The following KCNH7 variants were observed in gnomAD, a reference collection of about 807,000 sequenced individuals.
KCNH7 encodes the protein voltage-gated inwardly rectifying potassium channel KCNH7.
Under a neutral mutation model 120.8 loss-of-function variants are expected in KCNH7, and 49 were observed. That is an observed-to-expected ratio of 0.41 (90% CI 0.32 to 0.51). The LOEUF is 0.51. KCNH7 is among the 20% of genes least tolerant of loss of function. The pLI is 0.38. For missense variants in KCNH7, 1,097 were observed against 1,446.6 expected, an observed-to-expected ratio of 0.76 and a Z score of 3.92; for synonymous variants, 547 against 516.1, an observed-to-expected ratio of 1.06 and a Z score of -0.81.
At position 162,400,283 on chromosome 2, in the gene KCNH7, G is replaced by C. The variant is rs149972724; in HGVS notation, c.2313C>G (p.Thr771=). Residue 771 remains threonine (T), a synonymous_variant, in exon 10 of 16, where the codon ACC becomes ACG. Transcript: ENST00000332142. ...TGAGGACATCCCCACAGTGAACGAG[G>C]GTGTCTCCTGGAGGTGCATGGGTGG... is the stretch of plus-strand genomic sequence containing the variant. ...FKTTHAPPGD[T]LVHCGDVLTA... 130 of 1,612,280 alleles carry C rather than the reference G, an allele frequency of 8.1e-5. No individual in the cohort carries two copies. The highest frequency in any genetic ancestry group is 1.0e-4 in the Admixed American group (6 of 59,780).
intron 2 of KCNH7, among the ~76,000 whole-genome samples, chr2:162,787,673 A>G (rs928505748): frequency 2.0e-5 from 3 of 152,170 alleles, no homozygotes; most frequent in Non-Finnish European, 4.4e-5. Context: ...CTGGCCCAGG[A>G]CCAGCCCGGC....
chr2:162,749,946 A>C (rs1308107542), intron 2 of KCNH7, among the ~76,000 whole-genome samples: 1 of 152,196 alleles, frequency 6.6e-6, no homozygotes, highest in African/African-American at 2.4e-5. Flanking sequence ...TTAATAACTA[A>C]ACAATTTTAT....
intron 2 of KCNH7, chr2:162,796,550 A>G (rs1684154762): frequency 2.0e-5 from 3 of 152,114 alleles, no homozygotes. Flanking sequence ...TAATTGCTCT[A>G]TGGTTATGCC....
At chr2:162,656,456 A>G (rs1226739737) in intron 2 of KCNH7, among the ~76,000 whole-genome samples, 2 of 152,202 alleles carry the variant, frequency 1.3e-5, no homozygotes, top group African/African-American at 4.8e-5. Flanking sequence ...TTTCTTATCC[A>G]TCATTTTTTG....
At chr2:162,665,336 A>G (rs145568189) in intron 2 of KCNH7, among the ~76,000 whole-genome samples, 1 of 152,206 alleles carries the variant, frequency 6.6e-6, no homozygotes, top group East Asian at 1.9e-4. Flanking sequence ...AATAAATCCA[A>G]AGTCACAGTA....
chr2:162,603,026 T>C (rs1385348106), intron 2 of KCNH7, among the ~76,000 whole-genome samples: 2 of 151,638 alleles, frequency 1.3e-5, no homozygotes, highest in Non-Finnish European at 2.9e-5. Flanking sequence ...TACACAGGGT[T>C]GGACTAGTCC....
Position 162,517,729 on chromosome 2 carries a change from C to A in KCNH7, c.892+1G>T. On this transcript the variant is annotated splice_donor_variant, in intron 4 of 15. Transcript: ENST00000332142. LOFTEE classifies it high-confidence loss of function. ...TCCATTTAAAAAAAAATCAAACATACCTTCGCTGGCATGTCGGTCTCTAAA... is the reference window on the plus strand; with the variant it reads ...TCCATTTAAAAAAAAATCAAACATAACTTCGCTGGCATGTCGGTCTCTAAA... The A allele has an allele frequency of 6.5e-7, 1 of 1,549,612 alleles. No homozygotes were observed. Among genetic ancestry groups the A allele is most frequent in the Non-Finnish European group, 8.7e-7 (1 of 1,142,976 alleles).
chr2:162,414,167 A>G (rs1008393142), intron 9 of KCNH7, among the ~76,000 whole-genome samples: 2 of 152,076 alleles, frequency 1.3e-5, no homozygotes, highest in African/African-American at 4.8e-5. Context: ...TTGTTAATAG[A>G]AATGTAAATT....
At chr2:162,710,433 C>A (rs1287678654) in intron 2 of KCNH7, among the ~76,000 whole-genome samples, 1 of 152,140 alleles carries the variant, frequency 6.6e-6, no homozygotes, top group Non-Finnish European at 1.5e-5. Flanking sequence ...TTGGCACTGG[C>A]CCTGCGGAGA....
chr2:162,505,353 GA>G (rs1690834871), intron 5 of KCNH7, among the ~76,000 whole-genome samples: 1 of 150,360 alleles, frequency 6.7e-6, no homozygotes, highest in African/African-American at 2.4e-5. Flanking sequence ...ACCACTTTCT[GA>G]GAAAAAAAAA....
chr2:162,413,218 T>A (rs939472907), intron 9 of KCNH7, among the ~76,000 whole-genome samples: 9 of 152,082 alleles, frequency 5.9e-5, no homozygotes, highest in African/African-American at 2.2e-4. Context: ...AACCTCCACC[T>A]CCTGGCTTCA....
chr2:162,537,686 T>C (rs1692155355), intron 2 of KCNH7, among the ~76,000 whole-genome samples: 2 of 152,122 alleles, frequency 1.3e-5, no homozygotes, highest in Admixed American at 6.6e-5. Flanking sequence ...TTGTCTATAT[T>C]ATTGTGTTAG....
intron 6 of KCNH7, among the ~76,000 whole-genome samples, chr2:162,454,543 A>G (rs1688891582): frequency 6.6e-6 from 1 of 152,188 alleles, no homozygotes; most frequent in South Asian, 2.1e-4. Flanking sequence ...TACTTTGGAC[A>G]GTATGGCCAT....
chr2:162,378,075 A>T (rs1686277176), intron 14 of KCNH7, among the ~76,000 whole-genome samples: 1 of 152,224 alleles, frequency 6.6e-6, no homozygotes, highest in South Asian at 2.1e-4. Context: ...CAAGTCAGGA[A>T]TTATACGTAG....
Position 162,529,507 on chromosome 2 carries a change from C to A in KCNH7, c.463+7418G>T, listed in dbSNP as rs375870477. Among the ~76,000 whole-genome samples the A allele has an allele frequency of 1.4e-4, 22 of 151,944 alleles. No homozygotes were observed. In the South Asian group the frequency reaches 4.4e-3, roughly 30 times the overall value. On this transcript the variant is annotated intron_variant, in intron 3 of 15. Coordinates refer to ENST00000332142, the MANE Select transcript of KCNH7 (RefSeq NM_033272.4). ...GTGAATCAGAGTATGATACTAGATT[C>A]ATGCTATAGAAGACATATGAAATTC...
chr2:162,647,512 G>C (rs1264727406), intron 2 of KCNH7, among the ~76,000 whole-genome samples: 1 of 152,118 alleles, frequency 6.6e-6, no homozygotes, highest in African/African-American at 2.4e-5. Context: ...ATTGTAATAA[G>C]CCCCACATGT....
chr2:162,807,751 C>T (rs567765721), intron 2 of KCNH7, among the ~76,000 whole-genome samples: 22 of 151,876 alleles, frequency 1.4e-4, no homozygotes, highest in African/African-American at 4.6e-4. Context: ...GGCGCAATCT[C>T]GGCTCACTGC....
chr2:162,800,200 T>G (rs1214507911), intron 2 of KCNH7, among the ~76,000 whole-genome samples: 1 of 151,676 alleles, frequency 6.6e-6, no homozygotes, highest in Non-Finnish European at 1.5e-5. Flanking sequence ...TAACCAGATG[T>G]AGCATTGTAG....
chr2:162,716,834 T>A (rs1450043190), intron 2 of KCNH7, among the ~76,000 whole-genome samples: 1 of 152,176 alleles, frequency 6.6e-6, no homozygotes, highest in East Asian at 1.9e-4. Context: ...TTCACCAATA[T>A]GTAATGATCT....
Sources: allele counts gnomAD v4.1 joint callset (sites outside exome capture counted in the v4.1 genomes callset), GRCh38; gene constraint gnomAD v4.1.1; transcripts MANE v1.5; gene names NCBI Gene and HGNC (gene_info 2026-07-23, HGNC 2026-07-21).